The following MINDY4 variants were observed in gnomAD, a reference collection of about 807,000 sequenced individuals.
The protein encoded by MINDY4 is probable ubiquitin carboxyl-terminal hydrolase MINDY-4.
Under a neutral mutation model 87.0 loss-of-function variants are expected in MINDY4, and 68 were observed. That is an observed-to-expected ratio of 0.78 (90% CI 0.64 to 0.96). The LOEUF (loss-of-function observed/expected upper bound fraction) is 0.96, where lower values mean the gene tolerates loss of function less well. MINDY4 is among the 40% of genes least tolerant of loss of function. MINDY4 has a pLI of 0.00. For synonymous variants in MINDY4, 379 were observed against 363.2 expected (o/e 1.04, Z -0.50); for missense variants, 919 against 928.2 (o/e 0.99, Z 0.13).
At chr7:30,870,610 C>G (rs1158012264) in intron 13 of MINDY4, among the ~76,000 whole-genome samples, 2 of 152,200 alleles carry the variant, frequency 1.3e-5, no homozygotes, top group Admixed American at 6.5e-5. Context: ...TATTAAAAAC[C>G]ACAAGCAAGT....
intron 5 of MINDY4, among the ~76,000 whole-genome samples, chr7:30,823,415 G>A (rs1346551292): frequency 1.3e-5 from 2 of 152,072 alleles, no homozygotes; most frequent in Non-Finnish European, 2.9e-5. Context: ...CTGTAGAAAA[G>A]AGCTTGTCCA....
At position 30,865,832 on chromosome 7, in the gene MINDY4, A is replaced by G. The variant is rs763972291; in HGVS notation, c.1746-6411A>G. Among the ~76,000 whole-genome samples, 11 of 152,200 alleles carry G rather than the reference A, an allele frequency of 7.2e-5. No individual in the cohort carries two copies. In the South Asian group the frequency reaches 1.2e-3, roughly 17 times the overall value. ...CATCACCTGAGGCTCCTGGCTCTCA[A>G]TCGAAGACCCTGTGCCTGCATCGTC... On this transcript the variant is annotated intron_variant, in intron 13 of 17. Coordinates refer to ENST00000265299, the MANE Select transcript of MINDY4 (RefSeq NM_032222.3).
intron 15 of MINDY4, among the ~76,000 whole-genome samples, chr7:30,876,356 A>G (rs991344551): frequency 2.0e-5 from 3 of 152,120 alleles, no homozygotes; most frequent in Non-Finnish European, 4.4e-5. Flanking sequence ...GTCTTAACTA[A>G]TTATGCCTGC....
chr7:30,785,261 C>G (rs6977031), intron 3 of MINDY4, among the ~76,000 whole-genome samples: 7,843 of 111,262 alleles, frequency 0.07, 355 homozygotes, highest in East Asian at 0.23. Flanking sequence ...CTTCCTCTCT[C>G]TCTCTCTGAC....
intron 15 of MINDY4, among the ~76,000 whole-genome samples, chr7:30,881,803 T>A (rs1317360328): frequency 6.6e-6 from 1 of 151,982 alleles, no homozygotes; most frequent in Non-Finnish European, 1.5e-5. Flanking sequence ...GAAGAATTGG[T>A]TAGGAGGTCA....
At chr7:30,867,838 A>C in intron 13 of MINDY4, among the ~76,000 whole-genome samples, 1 of 152,166 alleles carries the variant, frequency 6.6e-6, no homozygotes, top group South Asian at 2.1e-4. Context: ...CCCCAGGGTA[A>C]GTACTGCCTG....
intron 7 of MINDY4, among the ~76,000 whole-genome samples, chr7:30,838,304 A>G (rs919066377): frequency 2.6e-5 from 4 of 152,092 alleles, no homozygotes; most frequent in Non-Finnish European, 4.4e-5. Context: ...GACAGCCGTG[A>G]GAAAGTAGAG....
chr7:30,835,152 C>T lies in MINDY4; in HGVS notation c.1133-1506C>T, dbSNP rs144232998. Among the ~76,000 whole-genome samples the T allele has an allele frequency of 9.1e-3, 1,391 of 152,296 alleles. 22 individuals are homozygous for T. Among genetic ancestry groups the T allele is most frequent in the African/African-American group, 0.033 (1,351 of 41,550 alleles). On this transcript the variant is annotated intron_variant, in intron 6 of 17. Transcript: ENST00000265299. ...TTTTCATGCTGCTGATAAAGATACTCCTGAGACTGGGCAATTTACAAAAGA... is the reference window on the plus strand; with the variant it reads ...TTTTCATGCTGCTGATAAAGATACTTCTGAGACTGGGCAATTTACAAAAGA...
chr7:30,846,753 A>AT (rs764015123), intron 9 of MINDY4, among the ~76,000 whole-genome samples: 5 of 141,750 alleles, frequency 3.5e-5, no homozygotes, highest in Non-Finnish European at 7.7e-5. Context: ...CAATTTTTCC[A>AT]TGGACTGGAG....
chr7:30,851,332 C>T (rs977325832), intron 10 of MINDY4, among the ~76,000 whole-genome samples: 8 of 152,148 alleles, frequency 5.3e-5, no homozygotes, highest in Non-Finnish European at 1.0e-4. Flanking sequence ...TGGATGTAAT[C>T]GCTCTGTTTA....
chr7:30,810,745 A>C (rs560070763), intron 5 of MINDY4, among the ~76,000 whole-genome samples: 7 of 152,218 alleles, frequency 4.6e-5, no homozygotes, highest in Non-Finnish European at 1.0e-4. Context: ...TATTAATAGC[A>C]CACTAATATA....
At position 30,781,971 on chromosome 7, in the gene MINDY4, T is replaced by G; in HGVS notation, c.184-6T>G. ...TTAATGATTTTTTTTTCTCTCCCAA[T>G]GATAGGCAAAGGAAAATCCTCTAAA... On this transcript the variant is annotated splice_polypyrimidine_tract_variant and splice_region_variant and intron_variant, in intron 2 of 17. Transcript: ENST00000265299. The G allele has an allele frequency of 6.2e-7, 1 of 1,605,090 alleles. No homozygotes were observed. The highest frequency in any genetic ancestry group is 8.5e-7 in the Non-Finnish European group (1 of 1,173,232).
At chr7:30,882,535 G>C (rs1790500403) in intron 16 of MINDY4, among the ~76,000 whole-genome samples, 174 bp downstream of exon 16, 1 of 152,230 alleles carries the variant, frequency 6.6e-6, no homozygotes, top group African/African-American at 2.4e-5. Flanking sequence ...CCCTGCAGGA[G>C]GCGGCCAGAG....
intron 14 of MINDY4, among the ~76,000 whole-genome samples, chr7:30,873,849 G>A (rs1388999265): frequency 3.9e-5 from 6 of 152,158 alleles, no homozygotes; most frequent in East Asian, 1.9e-4. Context: ...TGCCCCTGAC[G>A]TGCATTATTT....
chr7:30,828,226 C>T (rs1335481324), intron 5 of MINDY4, among the ~76,000 whole-genome samples: 1 of 152,004 alleles, frequency 6.6e-6, no homozygotes, highest in Non-Finnish European at 1.5e-5. Flanking sequence ...CTGCTGATGG[C>T]TTTACAAGAA....
At chr7:30,814,599 T>C (rs184797706) in intron 5 of MINDY4, among the ~76,000 whole-genome samples, 2 of 152,308 alleles carry the variant, frequency 1.3e-5, no homozygotes, top group Admixed American at 6.5e-5. Flanking sequence ...GCTTAGCAAG[T>C]GCTAGGAAAA....
chr7:30,872,252 G>T lies in MINDY4; in HGVS notation c.1755G>T (p.Gln585His). 1 of 1,614,162 alleles carries T rather than the reference G, an allele frequency of 6.2e-7. No homozygotes were observed. The change falls in exon 14 of 18, where the codon CAG becomes CAT. Residue 585 changes from glutamine (Q) to histidine (H), a missense_variant. Gln to His is a conservative substitution (Grantham distance 24, BLOSUM62 0). Transcript: ENST00000265299. Reference protein sequence around the residue: ...ILSRSTELIRQDFDVPTSHLI... With the variant: ...ILSRSTELIRHDFDVPTSHLI... ...TTCTTGTGTTTTCCAGCATCCGCCA[G>T]GACTTTGATGTCCCCACCAGCCACC...
rs1313469172 is a variant in MINDY4 at position 30,840,777 on chromosome 7, C to G, written c.1374C>G (p.Val458=). 1 of 1,614,006 alleles carries G rather than the reference C, an allele frequency of 6.2e-7. No individual in the cohort carries two copies. The highest frequency in any genetic ancestry group is 1.3e-5 in the African/African-American group (1 of 74,916). The change falls in exon 9 of 18, where the codon GTC becomes GTG. Residue 458 remains valine (V), a synonymous_variant. Transcript: ENST00000265299. Reference sequence around the variant, plus strand: ...CTTTGCAGGGTGGTCCTTGCGGAGTCCTGGCAGCTGTCCAAGGCTGTGTCC... The same window carrying G: ...CTTTGCAGGGTGGTCCTTGCGGAGTGCTGGCAGCTGTCCAAGGCTGTGTCC... ...IVQNKGGPCG[V]LAAVQGCVLQ... is the part of the protein sequence containing the mutation.
At chr7:30,889,982 A>G (rs759136635) in intron 17 of MINDY4, among the ~76,000 whole-genome samples, 3 of 152,256 alleles carry the variant, frequency 2.0e-5, no homozygotes, top group African/African-American at 7.2e-5. Context: ...CAAATGGTTC[A>G]GGTGATAAAA....
Sources: allele counts gnomAD v4.1 joint callset (sites outside exome capture counted in the v4.1 genomes callset), GRCh38; gene constraint gnomAD v4.1.1; transcripts MANE v1.5; gene names NCBI Gene and HGNC (gene_info 2026-07-23, HGNC 2026-07-21).